The following NRDC variants were observed in gnomAD, a reference collection of about 807,000 sequenced individuals.
NRDC encodes the protein nardilysin convertase.
A neutral mutation model predicts 147.1 loss-of-function variants in NRDC; 54 were observed. The ratio of observed to expected loss-of-function variants is 0.37; its 90% confidence interval spans 0.29 to 0.46. The LOEUF is 0.46. Ranked by LOEUF, NRDC falls within the 20% of genes least tolerant of loss-of-function variation. The pLI is 1.00. For missense variants in NRDC, 1,082 were observed against 1,370.6 expected, an observed-to-expected ratio of 0.79 and a Z score of 3.33; for synonymous variants, 440 against 482.1, an observed-to-expected ratio of 0.91 and a Z score of 1.14.
intron 1 of NRDC, among the ~76,000 whole-genome samples, chr1:51,851,390 G>A (rs1336992191): frequency 1.3e-5 from 2 of 151,564 alleles, no homozygotes; most frequent in African/African-American, 4.9e-5. Context: ...TTAACACCTG[G>A]CCAAGGCATT....
intron 1 of NRDC, among the ~76,000 whole-genome samples, chr1:51,863,886 C>T (rs1682673531): frequency 1.3e-5 from 2 of 152,212 alleles, no homozygotes; most frequent in South Asian, 2.1e-4. Flanking sequence ...AAAAACCCAT[C>T]TTAAGTTGAA....
chr1:51,803,066 T>C (rs1488455461), intron 20 of NRDC, among the ~76,000 whole-genome samples: 1 of 152,142 alleles, frequency 6.6e-6, no homozygotes, highest in Non-Finnish European at 1.5e-5. Context: ...GAAAGGTTCA[T>C]AAACTTAGAA....
At chr1:51,852,363 G>A (rs896760070) in intron 1 of NRDC, among the ~76,000 whole-genome samples, 5 of 151,062 alleles carry the variant, frequency 3.3e-5, no homozygotes, top group Non-Finnish European at 4.4e-5. Flanking sequence ...GATTTGAAAG[G>A]ATATTTTTTT....
chr1:51,830,980 G>T (rs1326870562), intron 4 of NRDC, among the ~76,000 whole-genome samples: 1 of 152,150 alleles, frequency 6.6e-6, no homozygotes, highest in African/African-American at 2.4e-5. Flanking sequence ...CATTGTAGAA[G>T]TATAATATTA....
At chr1:51,843,013 A>G (rs895773288) in intron 1 of NRDC, among the ~76,000 whole-genome samples, 4 of 135,408 alleles carry the variant, frequency 3.0e-5, no homozygotes, top group African/African-American at 1.1e-4. Context: ...GCCGTGAGCC[A>G]CGTTCATGCC....
intron 17 of NRDC, among the ~76,000 whole-genome samples, chr1:51,808,966 G>C (rs1316170603): frequency 1.3e-5 from 2 of 152,164 alleles, no homozygotes; most frequent in Non-Finnish European, 2.9e-5. Context: ...GCCACCTGCA[G>C]TTTGAAAAGC....
intron 19 of NRDC, among the ~76,000 whole-genome samples, chr1:51,804,859 G>C (rs1322223753): frequency 1.3e-5 from 2 of 151,946 alleles, no homozygotes; most frequent in Admixed American, 6.6e-5. Flanking sequence ...CCTACGTTCA[G>C]ACACATTTCC....
Position 51,803,962 on chromosome 1 carries a change from A to C in NRDC, c.2165T>G (p.Val722Gly), listed in dbSNP as rs890098226. Residue 722 changes from valine (V) to glycine (G), a missense_variant and splice_region_variant, in exon 20 of 31, where the codon GTG becomes GGG. By Grantham distance (109) the Val-to-Gly change is moderately radical. This residue lies in a region of NRDC where 635 missense variants were observed against 923.8 expected (regional missense o/e 0.69). Transcript: ENST00000352171. ...ATTGACAAAGATATCAAAGAGGACC[A>C]CACTAAGAAGTACAAAATGCAAATG... ...SPLIQKSAANVVLFDIFVNIL... is the reference protein window; with the variant it reads ...SPLIQKSAANGVLFDIFVNIL... 1 of 1,584,590 alleles carries C rather than the reference A, an allele frequency of 6.3e-7. No homozygotes were observed. The highest frequency in any genetic ancestry group is 8.6e-7 in the Non-Finnish European group (1 of 1,166,842).
At chr1:51,834,953 T>TCAAATA (rs2149218524) in intron 3 of NRDC, among the ~76,000 whole-genome samples, 2 of 152,214 alleles carry the variant, frequency 1.3e-5, no homozygotes, top group East Asian at 3.9e-4. Flanking sequence ...AAGTATACCC[T>TCAAATA]CAAATACTTT....
At chr1:51,814,527 C>T in intron 13 of NRDC, 24 bp downstream of exon 13, 1 of 1,608,246 alleles carries the variant, frequency 6.2e-7, no homozygotes. Flanking sequence ...GGCTCCTGGC[C>T]TCATTCCAGG....
intron 1 of NRDC, among the ~76,000 whole-genome samples, chr1:51,845,351 G>C (rs954488555): frequency 6.6e-6 from 1 of 152,096 alleles, no homozygotes; most frequent in African/African-American, 2.4e-5. Flanking sequence ...CCAGCACTTC[G>C]GAAGGCCAAG....
At chr1:51,862,775 G>A (rs1682605040) in intron 1 of NRDC, among the ~76,000 whole-genome samples, 1 of 151,820 alleles carries the variant, frequency 6.6e-6, no homozygotes, top group African/African-American at 2.4e-5. Flanking sequence ...CAGCACTTCG[G>A]GAGGCCAAGG....
At chr1:51,814,209 G>C in intron 13 of NRDC, 120 bp from the exon 14 acceptor site, 1 of 643,516 alleles carries the variant, frequency 1.6e-6, no homozygotes, top group East Asian at 2.7e-5. Flanking sequence ...CTTAGTACCT[G>C]GGTGACAAAA....
intron 1 of NRDC, among the ~76,000 whole-genome samples, chr1:51,864,811 G>A (rs1682725830): frequency 6.6e-6 from 1 of 151,948 alleles, no homozygotes. Flanking sequence ...AATTAGCCAG[G>A]CGTGGTGGTG....
chr1:51,803,716 A>C (rs1679321975), intron 20 of NRDC, 98 bp downstream of exon 20: 1 of 923,330 alleles, frequency 1.1e-6, no homozygotes, highest in South Asian at 1.9e-5. Context: ...CCACATTAAT[A>C]AACATTTATT....
At position 51,810,294 on chromosome 1, in the gene NRDC, T is replaced by C. The variant is rs906584249; in HGVS notation, c.1890A>G (p.Gln630=). The C allele has an allele frequency of 1.2e-6, 2 of 1,606,488 alleles. No homozygotes were observed. The highest frequency in any genetic ancestry group is 1.7e-6 in the Non-Finnish European group (2 of 1,174,004). ...AAAATATTTTACCTTCTATACTATA[T>C]TGAGTTCCAAACCATTTCTCCTTGA... The part of the protein sequence containing the change: ...CDLKEKWFGT[Q]YSIEDIENSW... The change falls in exon 16 of 31, where the codon CAA becomes CAG. Residue 630 remains glutamine, a synonymous_variant. Transcript: ENST00000352171.
At chr1:51,791,509 G>A (rs1571833635) in intron 27 of NRDC, 69 bp downstream of exon 27, 2 of 1,327,956 alleles carry the variant, frequency 1.5e-6, no homozygotes, top group South Asian at 1.2e-5. Flanking sequence ...AAGGTTTAAG[G>A]AAACACATGT....
chr1:51,848,272 A>T (rs1459624483), intron 1 of NRDC, among the ~76,000 whole-genome samples: 1 of 152,092 alleles, frequency 6.6e-6, no homozygotes, highest in East Asian at 1.9e-4. Flanking sequence ...TCAGAATATC[A>T]AGACCATCCT....
intron 1 of NRDC, among the ~76,000 whole-genome samples, chr1:51,877,457 T>C (rs752116811): frequency 3.3e-5 from 5 of 152,102 alleles, no homozygotes; most frequent in Non-Finnish European, 5.9e-5. Context: ...GCCCAGGAGT[T>C]TGAAATTAGC....
Sources: gnomAD v4.1 joint callset for allele counts (sites outside exome capture counted in the v4.1 genomes callset) on GRCh38, gnomAD v4.1.1 for gene constraint, gnomAD v4.1.1 regional missense constraint, MANE v1.5 for transcripts, NCBI Gene and HGNC (gene_info 2026-07-23, HGNC 2026-07-21) for gene names.